The following PTPRN2 variants were observed in gnomAD, a reference collection of about 807,000 sequenced individuals.
PTPRN2 encodes the protein receptor-type tyrosine-protein phosphatase N2.
In PTPRN2, 74 loss-of-function variants were observed where a neutral mutation model predicts 118.8. The ratio of observed to expected loss-of-function variants is 0.62; its 90% CI spans 0.52 to 0.76. The LOEUF (loss-of-function observed/expected upper bound fraction) is 0.76. Among genes scored for constraint, PTPRN2 ranks in the 30% least tolerant of loss-of-function variants. PTPRN2 has a pLI of 0.00. For synonymous variants in PTPRN2, 641 were observed against 608.0 expected, an observed-to-expected ratio of 1.05 and a Z score of -0.80; for missense variants, 1,481 against 1,394.4, an observed-to-expected ratio of 1.06 and a Z score of -0.99.
At chr7:158,431,868 T>G (rs1423816727) in intron 2 of PTPRN2, among the ~76,000 whole-genome samples, 1 of 152,240 alleles carries the variant, frequency 6.6e-6, no homozygotes, top group Non-Finnish European at 1.5e-5. Flanking sequence ...CAGGGGAAGC[T>G]GTGTCTGAGT....
intron 21 of PTPRN2, among the ~76,000 whole-genome samples, chr7:157,567,963 G>A (rs1431806608): frequency 2.0e-5 from 3 of 152,132 alleles, no homozygotes; most frequent in Non-Finnish European, 2.9e-5. Context: ...CTCAGTGTGT[G>A]CCTCCTCTCA....
At position 157,549,035 on chromosome 7, in the gene PTPRN2, A is replaced by T. The variant is rs1798465960; in HGVS notation, c.2903-16T>A. The T allele has an allele frequency of 1.2e-6, 2 of 1,613,184 alleles. No individual in the cohort carries two copies. The highest frequency in any genetic ancestry group is 1.3e-5 in the African/African-American group (1 of 74,986). ...TCTTTAGCACCTGCAACAAACCACAAATTGGGCTGAGTTCAGAGCACAAGA... is the reference window on the plus strand; with the variant it reads ...TCTTTAGCACCTGCAACAAACCACATATTGGGCTGAGTTCAGAGCACAAGA... On this transcript the variant is annotated splice_polypyrimidine_tract_variant and intron_variant, in intron 21 of 22. Transcript: ENST00000389418.
At chr7:158,263,002 A>G (rs1004782563) in intron 3 of PTPRN2, among the ~76,000 whole-genome samples, 4 of 146,682 alleles carry the variant, frequency 2.7e-5, no homozygotes, top group African/African-American at 5.3e-5. Context: ...CACATTGCAC[A>G]CACACATTCA....
chr7:157,858,824 G>A (rs71544512), intron 12 of PTPRN2, among the ~76,000 whole-genome samples: 1 of 2,354 alleles, frequency 4.2e-4, no homozygotes, highest in Non-Finnish European at 6.2e-4. Flanking sequence ...TGCAGGGAGA[G>A]CCCCGTCACC....
intron 6 of PTPRN2, among the ~76,000 whole-genome samples, chr7:158,143,433 G>A (rs1450580476): frequency 6.6e-6 from 1 of 152,228 alleles, no homozygotes; most frequent in Non-Finnish European, 1.5e-5. Flanking sequence ...TCCGTGCTTA[G>A]GAGGCGAGGG....
chr7:157,656,623 AC>A, intron 13 of PTPRN2, 72 bp from the exon 14 acceptor site: 1 of 1,354,936 alleles, frequency 7.4e-7, no homozygotes, highest in Non-Finnish European at 1.0e-6. Flanking sequence ...GGGCCACGGC[AC>A]CCACGTGGCA....
At position 157,716,428 on chromosome 7, in the gene PTPRN2, G is replaced by A. The variant is rs796082126; in HGVS notation, c.1789-33491C>T. On this transcript the variant is annotated intron_variant, in intron 12 of 22. Coordinates refer to ENST00000389418, the MANE Select transcript of PTPRN2 (RefSeq NM_002847.5). ...CTCTGCAGGAACACTGCCTGGCCAC[G>A]TAGACTCTGCAGGAACACTGCCTGG... is the stretch of plus-strand genomic sequence containing the variant. Among the ~76,000 whole-genome samples the A allele has an allele frequency of 2.3e-4, 22 of 96,304 alleles. 6 individuals carry two copies. Among genetic ancestry groups the A allele is most frequent in the African/African-American group, 9.1e-4 (18 of 19,814 alleles). 63.2% of individuals were successfully genotyped at this position (96,304 alleles called of 152,430 possible). A position where few individuals can be genotyped will look rare whatever the true frequency, so the allele number is the denominator to read the frequency against.
At chr7:158,518,726 T>C (rs1177483463) in intron 1 of PTPRN2, among the ~76,000 whole-genome samples, 1 of 152,176 alleles carries the variant, frequency 6.6e-6, no homozygotes, top group Admixed American at 6.5e-5. Context: ...GGTTCATGCC[T>C]GTAATCCCAG....
chr7:157,923,501 C>A (rs1206409753), intron 11 of PTPRN2, among the ~76,000 whole-genome samples: 1 of 152,232 alleles, frequency 6.6e-6, no homozygotes, highest in African/African-American at 2.4e-5. Flanking sequence ...ATCCAAAGAA[C>A]ATCATCCCCG....
At chr7:157,568,773 A>T in intron 21 of PTPRN2, 129 bp downstream of exon 21, 1 of 895,650 alleles carries the variant, frequency 1.1e-6, no homozygotes, top group Non-Finnish European at 1.8e-6. Flanking sequence ...CCACCTTCCT[A>T]CGGCCCAGCA....
chr7:158,118,600 T>A (rs978399302), intron 9 of PTPRN2, among the ~76,000 whole-genome samples: 2 of 152,198 alleles, frequency 1.3e-5, no homozygotes, highest in African/African-American at 4.8e-5. Context: ...AAGACAGAGA[T>A]TAGCAAAATA....
chr7:157,791,558 C>G (rs561254225), intron 12 of PTPRN2, among the ~76,000 whole-genome samples: 1 of 146,140 alleles, frequency 6.8e-6, no homozygotes, highest in Non-Finnish European at 1.5e-5. Context: ...CACCTGCCCC[C>G]CCTCCCTGCA....
At position 157,588,566 on chromosome 7, in the gene PTPRN2, G is replaced by T. The variant is rs533922720; in HGVS notation, c.2496+6672C>A. Among the ~76,000 whole-genome samples the T allele has an allele frequency of 5.9e-5, 9 of 152,352 alleles. No homozygotes were observed. In the South Asian group the frequency reaches 1.9e-3, roughly 32 times the overall value. ...GGGGCCACGTCCCCGGGAAGGTGCA[G>T]ACCTTGCTTCCCCGTGGGGAAGTCT... On this transcript the variant is annotated intron_variant, in intron 17 of 22. Transcript: ENST00000389418.
At chr7:158,495,381 C>G (rs1464894968) in intron 1 of PTPRN2, among the ~76,000 whole-genome samples, 2 of 152,190 alleles carry the variant, frequency 1.3e-5, no homozygotes, top group Non-Finnish European at 2.9e-5. Context: ...GGTGCCCAGG[C>G]TCCAACCCCA....
intron 12 of PTPRN2, among the ~76,000 whole-genome samples, chr7:157,760,198 C>A (rs531292536): frequency 6.6e-6 from 1 of 152,270 alleles, no homozygotes; most frequent in South Asian, 2.1e-4. Context: ...ATCAGTTTCC[C>A]ACGTGCTCAG....
In PTPRN2 at chr7:158,109,619, C is replaced by T. The variant is rs563782983; in HGVS notation, c.1643+1210G>A. Among the ~76,000 whole-genome samples the T allele has an allele frequency of 7.3e-5, 11 of 150,932 alleles. No individual in the cohort carries two copies. The East Asian group carries it at 1.2e-3, about 16-fold the overall frequency. On this transcript the variant is annotated intron_variant, in intron 10 of 22. Coordinates refer to ENST00000389418, the MANE Select transcript of PTPRN2 (RefSeq NM_002847.5). ...CGTGTAGGAGCCAGTGAGTGAATGA[C>T]GTCACCCATGTGAAGAGTGTCTGAA... is the stretch of plus-strand genomic sequence containing the variant.
chr7:158,019,869 G>A (rs1267278707), intron 11 of PTPRN2, among the ~76,000 whole-genome samples: 1 of 152,210 alleles, frequency 6.6e-6, no homozygotes, highest in African/African-American at 2.4e-5. Flanking sequence ...ACAGCACAGC[G>A]GCCCCCGGCA....
At chr7:158,266,103 G>A (rs866900655) in intron 3 of PTPRN2, among the ~76,000 whole-genome samples, 2 of 130,420 alleles carry the variant, frequency 1.5e-5, no homozygotes, top group Non-Finnish European at 3.3e-5. Flanking sequence ...GGCTGGGGAC[G>A]GCGTCTGCTG....
rs1804353125 is a variant in PTPRN2, at chr7:157,790,020, A to ATGTGTGGGG, written c.1789-107084_1789-107083insCCCCACACA. 2.0e-5 allele frequency among the ~76,000 whole-genome samples: 2 copies of ATGTGTGGGG among 102,368 alleles called. 1 individual carries two copies. Among genetic ancestry groups the ATGTGTGGGG allele is most frequent in the African/African-American group, 8.4e-5 (2 of 23,756 alleles). 67.2% of individuals were successfully genotyped at this position (102,368 alleles called of 152,430 possible). A position where few individuals can be genotyped will look rare whatever the true frequency, so the allele number is the denominator to read the frequency against. The stretch of plus-strand genomic sequence containing the variant: ...TGTGTGTGGTGTTTGTGTGGTGTGA[A>ATGTGTGGGG]TGTGTGTGTGGTGGGGGTGTGTGTG... On this transcript the variant is annotated intron_variant, in intron 12 of 22. Coordinates refer to ENST00000389418, the MANE Select transcript of PTPRN2 (RefSeq NM_002847.5).
Sources: gnomAD v4.1 joint callset for allele counts (sites outside exome capture counted in the v4.1 genomes callset) on GRCh38, gnomAD v4.1.1 for gene constraint, MANE v1.5 for transcripts, NCBI Gene and HGNC (gene_info 2026-07-23, HGNC 2026-07-21) for gene names.